Variants in CLEC2D observed in about 807,000 individuals in gnomAD.
CLEC2D encodes C-type lectin domain family 2 member D.
Under a neutral mutation model 20.0 loss-of-function variants are expected in CLEC2D, and 16 were observed. The ratio of observed to expected loss-of-function variants is 0.80; its 90% CI spans 0.54 to 1.22. CLEC2D has a LOEUF of 1.22. Ranked by LOEUF, CLEC2D falls within the 50% of genes most tolerant of loss-of-function variation. The probability of loss-of-function intolerance (pLI) is 0.00; values close to 1 mark genes in which losing one functional copy is unlikely to be tolerated. For synonymous variants in CLEC2D, 77 were observed against 71.1 expected, an observed-to-expected ratio of 1.08 and a Z score of -0.42; for missense variants, 207 against 221.5, an observed-to-expected ratio of 0.93 and a Z score of 0.42.
chr12:9,683,322 G>GTTTTTTTTTTTTTTTTTTTTTTTT lies in CLEC2D; in HGVS notation c.172+2295_172+2296insTTTTTTTTTTTTTTTTTTTTTTTT, dbSNP rs1226655704. Among the ~76,000 whole-genome samples, 2 of 80,880 alleles carry GTTTTTTTTTTTTTTTTTTTTTTTT rather than the reference G, an allele frequency of 2.5e-5. 1 individual carries two copies. 53.1% of individuals were successfully genotyped at this position (80,880 alleles called of 152,430 possible). ...TGCCTGTTCACTCTGATGATAGTTT[G>GTTTTTTTTTTTTTTTTTTTTTTTT]TTTTTTGTGTTTGTTTTTTTTTTTT... On this transcript the variant is annotated intron_variant, in intron 2 of 4. Transcript: ENST00000290855.
intron 2 of CLEC2D, among the ~76,000 whole-genome samples, chr12:9,687,688 C>T (rs963768448): frequency 6.6e-5 from 10 of 152,112 alleles, no homozygotes; most frequent in African/African-American, 2.2e-4. Flanking sequence ...TTCAGCTCAC[C>T]CCCTGCTGAA....
intron 1 of CLEC2D, among the ~76,000 whole-genome samples, chr12:9,672,232 T>C (rs1865439200): frequency 6.6e-6 from 1 of 152,204 alleles, no homozygotes. Flanking sequence ...ACTTTCGTGA[T>C]AGTAAACCCA....
At chr12:9,671,656 C>T (rs1865428189) in intron 1 of CLEC2D, among the ~76,000 whole-genome samples, 1 of 152,228 alleles carries the variant, frequency 6.6e-6, no homozygotes, top group Admixed American at 6.5e-5. Context: ...TATTTTCACA[C>T]TCTATTTGAG....
chr12:9,674,279 A>G (rs1169169015), intron 1 of CLEC2D: 1 of 152,266 alleles, frequency 6.6e-6, no homozygotes, highest in Non-Finnish European at 1.5e-5. Flanking sequence ...TGCAGATTGC[A>G]AAAATCTGTG....
chr12:9,692,977 T>C, intron 4 of CLEC2D, 46 bp downstream of exon 4: 4 of 1,594,768 alleles, frequency 2.5e-6, no homozygotes, highest in Non-Finnish European at 2.6e-6. Flanking sequence ...TGAATTTACT[T>C]TGCATTAAAT....
At chr12:9,681,455 T>C (rs1865633978) in intron 2 of CLEC2D, among the ~76,000 whole-genome samples, 1 of 152,210 alleles carries the variant, frequency 6.6e-6, no homozygotes, top group Admixed American at 6.5e-5. Context: ...CAGCCTGTTC[T>C]TTCTTCCTAG....
chr12:9,687,581 A>G lies in CLEC2D; in HGVS notation c.173-321A>G, dbSNP rs1034288258. Among the ~76,000 whole-genome samples, 5 of 152,300 alleles carry G rather than the reference A, an allele frequency of 3.3e-5. No homozygotes were observed. In the East Asian group the frequency reaches 9.7e-4, roughly 29 times the overall value. The stretch of plus-strand genomic sequence containing the variant: ...TGTTCTCCAAAGCTGATCAAATGCT[A>G]TCATTAATGTATCTAATATTTTAAG... On this transcript the variant is annotated intron_variant, in intron 2 of 4. Transcript: ENST00000290855.
rs188841022 is a variant in CLEC2D at position 9,697,359 on chromosome 12, T to G, written c.*2485T>G. 2 of 152,352 alleles carry G rather than the reference T, an allele frequency of 1.3e-5. No homozygotes were observed. The highest frequency in any genetic ancestry group is 2.4e-5 in the African/African-American group (1 of 41,572). 9.4% of individuals were successfully genotyped at this position (152,352 alleles called of 1,614,324 possible). ...TGCTGCAGTTAACTAGCCCAATCTA[T>G]TCCTTTAATTCGGCCCATCCCTTCA... On this transcript the variant is annotated 3_prime_UTR_variant, in exon 5 of 5. Transcript: ENST00000290855.
intron 1 of CLEC2D, among the ~76,000 whole-genome samples, chr12:9,671,324 C>T (rs1014548728): frequency 2.0e-5 from 3 of 152,108 alleles, no homozygotes; most frequent in Admixed American, 6.5e-5. Flanking sequence ...CCTGGGTTCA[C>T]GCCATTCTGC....
rs896661587 is a variant in CLEC2D, at chr12:9,695,204, G to A, written c.*330G>A. 5.0e-6 allele frequency: 3 copies of A among 602,690 alleles called. No individual in the cohort carries two copies. The highest frequency in any genetic ancestry group is 1.9e-5 in the South Asian group (1 of 51,682). The allele number at this position is 602,690 out of a possible 1,614,324, so 37.3% of individuals were successfully genotyped here. A position where few individuals can be genotyped will look rare whatever the true frequency, so the allele number is the denominator to read the frequency against. The stretch of plus-strand genomic sequence containing the variant: ...AATGGGAAGCAAAGTCATGTCTTAT[G>A]TGGTGGCAGGCAGGGGGACTTGTGC... On this transcript the variant is annotated 3_prime_UTR_variant, in exon 5 of 5. Transcript: ENST00000290855.
In CLEC2D at chr12:9,696,252, G is replaced by C. The variant is rs1865991944; in HGVS notation, c.*1378G>C. On this transcript the variant is annotated 3_prime_UTR_variant, in exon 5 of 5. Coordinates refer to ENST00000290855, the MANE Select transcript of CLEC2D (RefSeq NM_013269.6). ...TTTAAGAAAATAGTTTAAACAATTT[G>C]TTAAAAATTTTCCATCTTATTTCAT... The C allele has an allele frequency of 1.3e-6, 1 of 791,474 alleles. No individual in the cohort carries two copies. Among genetic ancestry groups the C allele is most frequent in the Non-Finnish European group, 2.2e-6 (1 of 451,706 alleles). The allele number at this position is 791,474 out of a possible 1,614,324, so 49.0% of individuals were successfully genotyped here.
intron 1 of CLEC2D, among the ~76,000 whole-genome samples, chr12:9,680,477 T>A (rs1318361770): frequency 6.6e-6 from 1 of 152,220 alleles, no homozygotes; most frequent in South Asian, 2.1e-4. Flanking sequence ...ATTTGACCTC[T>A]ACAATAATCA....
intron 1 of CLEC2D, among the ~76,000 whole-genome samples, chr12:9,679,377 A>G (rs1161050124): frequency 1.3e-5 from 2 of 152,148 alleles, no homozygotes; most frequent in African/African-American, 4.8e-5. Context: ...TCTACTGGCA[A>G]CAAGTTATCT....
Position 9,696,045 on chromosome 12 carries a change from A to G in CLEC2D, c.*1171A>G. On this transcript the variant is annotated 3_prime_UTR_variant, in exon 5 of 5. Transcript: ENST00000290855. ...AAGAATCCTTCAAAAAACAGGAAAAATCTCCTAAAACACCAAAAGGATCTA... is the reference window on the plus strand; with the variant it reads ...AAGAATCCTTCAAAAAACAGGAAAAGTCTCCTAAAACACCAAAAGGATCTA... 7.6e-7 allele frequency: 1 copy of G among 1,318,456 alleles called. No individual in the cohort carries two copies. Among genetic ancestry groups the G allele is most frequent in the Non-Finnish European group, 1.1e-6 (1 of 925,528 alleles). 81.7% of individuals were successfully genotyped at this position (1,318,456 alleles called of 1,614,324 possible). A position where few individuals can be genotyped will look rare whatever the true frequency, so the allele number is the denominator to read the frequency against.
At chr12:9,690,838 GAAAC>G (rs1298489584) in intron 3 of CLEC2D, among the ~76,000 whole-genome samples, 1 of 151,910 alleles carries the variant, frequency 6.6e-6, no homozygotes, top group Admixed American at 6.6e-5. Context: ...GACAACTTGA[GAAAC>G]AAAGACATAT....
intron 3 of CLEC2D, among the ~76,000 whole-genome samples, chr12:9,688,988 A>T (rs1865811217): frequency 6.6e-6 from 1 of 152,184 alleles, no homozygotes; most frequent in African/African-American, 2.4e-5. Flanking sequence ...CCATTATTGC[A>T]GGGATCCATG....
At chr12:9,673,779 G>A (rs1865468702) in intron 1 of CLEC2D, among the ~76,000 whole-genome samples, 1 of 152,216 alleles carries the variant, frequency 6.6e-6, no homozygotes, top group Admixed American at 6.5e-5. Flanking sequence ...GCCTGGTGAG[G>A]AGGGATGGCT....
intron 3 of CLEC2D, among the ~76,000 whole-genome samples, chr12:9,689,474 A>G (rs931449408): frequency 1.3e-5 from 2 of 152,328 alleles, no homozygotes; most frequent in Middle Eastern, 3.4e-3. Context: ...TGGTTCATTC[A>G]CAGGAAGAAA....
At position 9,695,119 on chromosome 12, in the gene CLEC2D, G is replaced by T; in HGVS notation, c.*245G>T. The T allele has an allele frequency of 5.2e-6, 3 of 573,720 alleles. No individual in the cohort carries two copies. Among genetic ancestry groups the T allele is most frequent in the African/African-American group, 3.8e-5 (2 of 53,228 alleles). The allele number at this position is 573,720 out of a possible 1,614,324, so 35.5% of individuals were successfully genotyped here. ...GACTGAGTAATTTATAAATAAAAGAGATTTAATTGACTCATAGTTCCACAT... is the reference window on the plus strand; with the variant it reads ...GACTGAGTAATTTATAAATAAAAGATATTTAATTGACTCATAGTTCCACAT... On this transcript the variant is annotated 3_prime_UTR_variant, in exon 5 of 5. Coordinates refer to ENST00000290855, the MANE Select transcript of CLEC2D (RefSeq NM_013269.6).
Sources: gnomAD v4.1 joint callset for allele counts (sites outside exome capture counted in the v4.1 genomes callset) on GRCh38, gnomAD v4.1.1 for gene constraint, MANE v1.5 for transcripts, NCBI Gene and HGNC (gene_info 2026-07-23, HGNC 2026-07-21) for gene names.